Variants in MMP14 observed in about 807,000 individuals in gnomAD.
MMP14 encodes matrix metallopeptidase 14, also known as matrix metalloproteinase-14.
In MMP14, 13 loss-of-function variants were observed where a neutral mutation model predicts 64.8. The ratio of observed to expected loss-of-function variants is 0.20; its 90% CI spans 0.13 to 0.32. MMP14 has a LOEUF of 0.32. MMP14 is among the 10% of genes least tolerant of loss of function. MMP14 has a pLI of 1.00. For synonymous variants in MMP14, 322 were observed against 315.9 expected, an observed-to-expected ratio of 1.02 and a Z score of -0.20; for missense variants, 594 against 783.8, an observed-to-expected ratio of 0.76 and a Z score of 2.89.
Position 22,842,602 on chromosome 14 carries a change from C to G in MMP14, c.573C>G (p.Pro191=), listed in dbSNP as rs1325374932. Reference sequence around the variant, plus strand: ...AGGGCTTCCATGGCGACAGCACGCCCTTCGATGGTGAGGGCGGCTTCCTGG... The same window carrying G: ...AGGGCTTCCATGGCGACAGCACGCCGTTCGATGGTGAGGGCGGCTTCCTGG... ...FAEGFHGDST[P]FDGEGGFLAH... Residue 191 remains proline, a synonymous_variant, in exon 4 of 10, where the codon CCC becomes CCG. Coordinates refer to ENST00000311852, the MANE Select transcript of MMP14 (RefSeq NM_004995.4). This position sits in a 1 kb window ranked among gnomAD's most constrained non-coding sequence, Gnocchi z 5.3. The G allele has an allele frequency of 6.2e-7, 1 of 1,614,224 alleles. No homozygotes were observed. The highest frequency in any genetic ancestry group is 8.5e-7 in the Non-Finnish European group (1 of 1,180,042).
In MMP14 at chr14:22,843,329, C is replaced by T. The variant is rs1425125078; in HGVS notation, c.761C>T (p.Ser254Leu). The change falls in exon 5 of 10, where the codon TCG becomes TTG. Residue 254 changes from serine (S) to leucine (L), a missense_variant. Ser to Leu is a moderately radical substitution (Grantham distance 145). Coordinates refer to ENST00000311852, the MANE Select transcript of MMP14 (RefSeq NM_004995.4). The surrounding 1 kb of genome is among the most constrained non-coding windows in gnomAD (Gnocchi z 4.8). ...ALGLEHSSDP[S>L]AIMAPFYQWM... ...GGGCTCGAGCATTCCAGTGACCCCT[C>T]GGCCATCATGGCACCCTTTTACCAG... is the stretch of plus-strand genomic sequence containing the variant. The T allele has an allele frequency of 1.5e-5, 24 of 1,613,912 alleles. No individual in the cohort carries two copies. The highest frequency in any genetic ancestry group is 2.2e-5 in the East Asian group (1 of 44,870).
chr14:22,842,058 C>G lies in MMP14; in HGVS notation c.380+23C>G. On this transcript the variant is annotated intron_variant, in intron 3 of 9. Transcript: ENST00000311852. This position sits in a 1 kb window ranked among gnomAD's most constrained non-coding sequence, Gnocchi z 5.3. Reference sequence around the variant, plus strand: ...CTGGTGAGTCCAACAGGCAAGCAACCTTTCTCACATCTGGTTATTATTTCC... The same window carrying G: ...CTGGTGAGTCCAACAGGCAAGCAACGTTTCTCACATCTGGTTATTATTTCC... The G allele has an allele frequency of 6.2e-7, 1 of 1,614,032 alleles. No individual in the cohort carries two copies. Among genetic ancestry groups the G allele is most frequent in the East Asian group, 2.2e-5 (1 of 44,888 alleles).
In MMP14 at chr14:22,844,387, G is replaced by C; in HGVS notation, c.1028G>C (p.Arg343Pro). ...MFVFKERWFW[R>P]VRNNQVMDGY... ...GGCTTCCAGGAGCGCTGGTTCTGGC[G>C]GGTGAGGAATAACCAAGTGATGGAT... The change falls in exon 7 of 10, where the codon CGG (arginine) becomes CCG (proline). Residue 343 changes from arginine (R) to proline (P), a missense_variant. Around this residue, in one of 4 missense-constraint regions of MMP14, gnomAD observed 364 missense variants for 425.2 expected, o/e 0.86. Coordinates refer to ENST00000311852, the MANE Select transcript of MMP14 (RefSeq NM_004995.4). 1 of 1,614,082 alleles carries C rather than the reference G, an allele frequency of 6.2e-7. No homozygotes were observed. The highest frequency in any genetic ancestry group is 8.5e-7 in the Non-Finnish European group (1 of 1,179,978).
chr14:22,842,389 C>T lies in MMP14; in HGVS notation c.381-21C>T. 6.3e-7 allele frequency: 1 copy of T among 1,597,062 alleles called. No homozygotes were observed. The highest frequency in any genetic ancestry group is 2.2e-5 in the East Asian group (1 of 44,732). The stretch of plus-strand genomic sequence containing the variant: ...TTTATCCTAACACACCCCATCCTCT[C>T]CCCACGTGGCTGGACCTCAGCATCC... On this transcript the variant is annotated intron_variant, in intron 3 of 9. Transcript: ENST00000311852. The surrounding 1 kb of genome is among the most constrained non-coding windows in gnomAD (Gnocchi z 5.3).
At chr14:22,839,585 G>A (rs1158485589) in intron 1 of MMP14, among the ~76,000 whole-genome samples, 1 of 152,180 alleles carries the variant, frequency 6.6e-6, no homozygotes, top group Non-Finnish European at 1.5e-5. Context: ...GTTCTAGCTC[G>A]CATCAGCCTT....
intron 1 of MMP14, among the ~76,000 whole-genome samples, chr14:22,838,289 G>C (rs550396681): frequency 1.3e-5 from 2 of 152,252 alleles, no homozygotes; most frequent in South Asian, 4.1e-4. Context: ...GGGAGCTGCC[G>C]ACCGCCAACT....
Position 22,845,281 on chromosome 14 carries a change from A to G in MMP14, c.1332A>G (p.Ala444=). 1 of 1,613,654 alleles carries G rather than the reference A, an allele frequency of 6.2e-7. No individual in the cohort carries two copies. ...KYYRFNEELR[A]VDSEYPKNIK... ...ACCGTTTCAACGAAGAGCTCAGGGC[A>G]GTGGATAGCGAGTACCCCAAGAACA... The change falls in exon 9 of 10, where the codon GCA becomes GCG. Residue 444 remains alanine, a synonymous_variant. Transcript: ENST00000311852.
rs1276640463 is a variant in MMP14 at position 22,842,755 on chromosome 14, C to T, written c.688+38C>T. The T allele has an allele frequency of 6.4e-7, 1 of 1,553,644 alleles. No homozygotes were observed. The highest frequency in any genetic ancestry group is 1.4e-5 in the African/African-American group (1 of 73,584). On this transcript the variant is annotated intron_variant, in intron 4 of 9. Coordinates refer to ENST00000311852, the MANE Select transcript of MMP14 (RefSeq NM_004995.4). The surrounding 1 kb of genome is among the most constrained non-coding windows in gnomAD (Gnocchi z 5.3). Reference sequence around the variant, plus strand: ...TCCCTGGGACTTACTCTGGAAAAAGCCAACAGTCATTTGTAGGGGTGGTTC... The same window carrying T: ...TCCCTGGGACTTACTCTGGAAAAAGTCAACAGTCATTTGTAGGGGTGGTTC...
At chr14:22,837,043 C>T (rs890447813) in intron 1 of MMP14, 118 bp downstream of exon 1, 1 of 764,610 alleles carries the variant, frequency 1.3e-6, no homozygotes, top group African/African-American at 1.7e-5. Flanking sequence ...GCTGCTCAGG[C>T]CTGCAGGATT....
At chr14:22,844,584 C>T (rs766039411) in intron 7 of MMP14, 46 bp from the exon 8 acceptor site, 26 of 1,613,526 alleles carry the variant, frequency 1.6e-5, no homozygotes, top group Non-Finnish European at 2.1e-5. Flanking sequence ...TCTAAAGTCC[C>T]TAGAGCCTAA....
At chr14:22,839,319 A>C (rs1244976263) in intron 1 of MMP14, among the ~76,000 whole-genome samples, 1 of 152,238 alleles carries the variant, frequency 6.6e-6, no homozygotes, top group Non-Finnish European at 1.5e-5. Flanking sequence ...CTGCATAGTT[A>C]GGCACAGGCC....
At position 22,842,186 on chromosome 14, in the gene MMP14, G is replaced by A. The variant is rs2039777480; in HGVS notation, c.380+151G>A. 8.6e-7 allele frequency: 1 copy of A among 1,167,502 alleles called. No individual in the cohort carries two copies. The highest frequency in any genetic ancestry group is 1.5e-5 in the African/African-American group (1 of 65,270). 72.3% of individuals were successfully genotyped at this position (1,167,502 alleles called of 1,614,324 possible). A position where few individuals can be genotyped will look rare whatever the true frequency, so the allele number is the denominator to read the frequency against. ...GGGGAGGAAAATGGCTCTCATCCTT[G>A]AGAGAGGTGTAGCCATCAAGGGTGC... On this transcript the variant is annotated intron_variant, in intron 3 of 9. Coordinates refer to ENST00000311852, the MANE Select transcript of MMP14 (RefSeq NM_004995.4). The surrounding 1 kb of genome is among the most constrained non-coding windows in gnomAD (Gnocchi z 5.3).
Position 22,846,307 on chromosome 14 carries a change from C to G in MMP14, c.*268C>G. The G allele has an allele frequency of 2.1e-6, 1 of 486,572 alleles. No individual in the cohort carries two copies. Among genetic ancestry groups the G allele is most frequent in the East Asian group, 3.3e-5 (1 of 30,082 alleles). 30.1% of individuals were successfully genotyped at this position (486,572 alleles called of 1,614,324 possible). A position where few individuals can be genotyped will look rare whatever the true frequency, so the allele number is the denominator to read the frequency against. On this transcript the variant is annotated 3_prime_UTR_variant, in exon 10 of 10. Coordinates refer to ENST00000311852, the MANE Select transcript of MMP14 (RefSeq NM_004995.4). ...TCTGCCCCTCAGGGGAACCCTGTAG[C>G]TTTGTGTCTGTCCAGCCCCATCTGA...
intron 2 of MMP14, 77 bp downstream of exon 2, chr14:22,841,716 T>C (rs2039774275): frequency 1.3e-6 from 2 of 1,590,070 alleles, no homozygotes; most frequent in Middle Eastern, 1.7e-4. Context: ...CCTACCTGAA[T>C]GCCTGGCTTG....
In MMP14 at chr14:22,845,794, C is replaced by A. The variant is rs1408075864; in HGVS notation, c.1504C>A (p.Leu502Met). 2 of 1,614,184 alleles carry A rather than the reference C, an allele frequency of 1.2e-6. No homozygotes were observed. The highest frequency in any genetic ancestry group is 1.1e-5 in the South Asian group (1 of 91,086). Residue 502 changes from leucine to methionine, a missense_variant, in exon 10 of 10, where the codon CTG (leucine) becomes ATG (methionine). Transcript: ENST00000311852. Reference protein sequence around the residue: ...KVEPGYPKSALRDWMGCPSGG... With the variant: ...KVEPGYPKSAMRDWMGCPSGG... ...AGAACCGGGCTACCCCAAGTCAGCCCTGAGGGACTGGATGGGCTGCCCATC... is the reference window on the plus strand; with the variant it reads ...AGAACCGGGCTACCCCAAGTCAGCCATGAGGGACTGGATGGGCTGCCCATC...
intron 1 of MMP14, among the ~76,000 whole-genome samples, chr14:22,839,072 G>A (rs373982279): frequency 3.3e-5 from 5 of 152,132 alleles, no homozygotes; most frequent in Non-Finnish European, 5.9e-5. Context: ...CTTCTGTCCC[G>A]TCTTCCTTCT....
chr14:22,837,108 T>G, intron 1 of MMP14, 183 bp downstream of exon 1: 5 of 682,136 alleles, frequency 7.3e-6, no homozygotes, highest in East Asian at 2.8e-5. Flanking sequence ...GATCCAACTT[T>G]TGCCCGCTTC....
intron 1 of MMP14, among the ~76,000 whole-genome samples, chr14:22,841,142 T>G (rs2039770035): frequency 6.6e-6 from 1 of 152,216 alleles, no homozygotes. Flanking sequence ...CATGCTATAT[T>G]TGTAAGAACA....
chr14:22,838,936 C>T (rs1595012877), intron 1 of MMP14, among the ~76,000 whole-genome samples: 1 of 152,148 alleles, frequency 6.6e-6, no homozygotes, highest in South Asian at 2.1e-4. Flanking sequence ...TTTGACTGAG[C>T]CTTCATTTTT....
Sources: gnomAD v4.1 joint callset for allele counts (sites outside exome capture counted in the v4.1 genomes callset) on GRCh38, gnomAD v4.1.1 for gene constraint, gnomAD v4.1.1 regional missense constraint, Gnocchi (gnomAD v3.1) non-coding constraint, MANE v1.5 for transcripts, NCBI Gene and HGNC (gene_info 2026-07-23, HGNC 2026-07-21) for gene names.